The following SEMA6B variants were observed in gnomAD, a reference collection of about 807,000 sequenced individuals.
SEMA6B encodes the protein semaphorin-6B.
In SEMA6B, 47 loss-of-function variants were observed where a neutral mutation model predicts 78.6. That is an observed-to-expected ratio of 0.60 (90% confidence interval 0.47 to 0.76). The LOEUF is 0.76. SEMA6B is among the 30% of genes least tolerant of loss of function. The pLI, the probability that SEMA6B is intolerant of heterozygous loss-of-function variation, is 0.00. For synonymous variants in SEMA6B, 632 were observed against 592.2 expected, an observed-to-expected ratio of 1.07 and a Z score of -0.98; for missense variants, 1,213 against 1,269.9, an observed-to-expected ratio of 0.96 and a Z score of 0.68.
Position 4,543,203 on chromosome 19 carries a change from G to A in SEMA6B, c.*398C>T. The A allele has an allele frequency of 7.0e-6, 4 of 568,096 alleles. No homozygotes were observed. In the South Asian group the frequency reaches 9.0e-5, roughly 13 times the overall value. The allele number at this position is 568,096 out of a possible 1,614,324, so 35.2% of individuals were successfully genotyped here. ...CTTTCCAGGGGTGGGGGAGGGCTTA[G>A]GTCTGCAGCTGTGGCCCCCCATTCC... On this transcript the variant is annotated 3_prime_UTR_variant, in exon 17 of 17. Coordinates refer to ENST00000586582, the MANE Select transcript of SEMA6B (RefSeq NM_032108.4).
chr19:4,544,283 G>A lies in SEMA6B; in HGVS notation c.1985C>T (p.Pro662Leu). ...SRLGERRAQG[P>L]GGRGGGGGGG... is the part of the protein sequence containing the mutation. Reference sequence around the variant, plus strand: ...GCCACCGCCTCCGCCCCGGCCCCCGGGACCCTGCGCCCTGCGCTCGCCCAG... The same window carrying A: ...GCCACCGCCTCCGCCCCGGCCCCCGAGACCCTGCGCCCTGCGCTCGCCCAG... The change falls in exon 17 of 17, where the codon CCC (proline) becomes CTC (leucine). Residue 662 changes from proline (P) to leucine (L), a missense_variant. Physicochemically the swap from Pro to Leu is moderately conservative, Grantham distance 98 (BLOSUM62 -3). Coordinates refer to ENST00000586582, the MANE Select transcript of SEMA6B (RefSeq NM_032108.4). This position sits in a 1 kb window ranked among gnomAD's most constrained non-coding sequence, Gnocchi z 5.1. 7.2e-7 allele frequency: 1 copy of A among 1,396,006 alleles called. No homozygotes were observed. The highest frequency in any genetic ancestry group is 9.2e-7 in the Non-Finnish European group (1 of 1,081,248). The allele number at this position is 1,396,006 out of a possible 1,614,324, so 86.5% of individuals were successfully genotyped here.
In SEMA6B at chr19:4,549,989, GTC is replaced by G. The variant is rs754876814; in HGVS notation, c.1271+132_1271+133del. ...AGTGTCTCTCCATCTTTCCCTCTCTGTCTCTCTGTGTCTCCAGCTCTCTGGGC... is the reference window on the plus strand; with the variant it reads ...AGTGTCTCTCCATCTTTCCCTCTCTGTCTCTGTGTCTCCAGCTCTCTGGGC... On this transcript the variant is annotated intron_variant, in intron 12 of 16. Coordinates refer to ENST00000586582, the MANE Select transcript of SEMA6B (RefSeq NM_032108.4). 156 of 775,064 alleles carry G rather than the reference GTC, an allele frequency of 2.0e-4. 1 individual carries two copies. Among genetic ancestry groups the G allele is most frequent in the Non-Finnish European group, 2.0e-4 (95 of 486,404 alleles). 48.0% of individuals were successfully genotyped at this position (775,064 alleles called of 1,614,324 possible).
chr19:4,544,012 C>T lies in SEMA6B; in HGVS notation c.2256G>A (p.Leu752=), dbSNP rs1429985713. The change falls in exon 17 of 17, where the codon CTG becomes CTA. Residue 752 remains leucine (L), a synonymous_variant. Transcript: ENST00000586582. The surrounding 1 kb of genome is among the most constrained non-coding windows in gnomAD (Gnocchi z 5.1). ...LPASASSSLL[L]LAPARAPEQP... ...GCTCGGGGGCCCGGGCGGGCGCCAGCAGCAGGAGGGAGGATGAAGCGGAGG... is the reference window on the plus strand; with the variant it reads ...GCTCGGGGGCCCGGGCGGGCGCCAGTAGCAGGAGGGAGGATGAAGCGGAGG... The T allele has an allele frequency of 4.1e-6, 5 of 1,211,946 alleles. No individual in the cohort carries two copies. Among genetic ancestry groups the T allele is most frequent in the Non-Finnish European group, 5.1e-6 (5 of 975,818 alleles). The allele number at this position is 1,211,946 out of a possible 1,614,324, so 75.1% of individuals were successfully genotyped here.
Position 4,558,260 on chromosome 19 carries a change from G to A in SEMA6B, c.121+77C>T. ...TCCTGGACTGCTTGAGTCCCCCAGT[G>A]GGGGCAGCAGACCCAACTGGGAACC... On this transcript the variant is annotated intron_variant, in intron 2 of 16. Coordinates refer to ENST00000586582, the MANE Select transcript of SEMA6B (RefSeq NM_032108.4). The surrounding 1 kb of genome is among the most constrained non-coding windows in gnomAD (Gnocchi z 5.1). 5.4e-6 allele frequency: 7 copies of A among 1,300,160 alleles called. No homozygotes were observed. Among genetic ancestry groups the A allele is most frequent in the Non-Finnish European group, 6.9e-6 (7 of 1,013,164 alleles). 80.5% of individuals were successfully genotyped at this position (1,300,160 alleles called of 1,614,324 possible). A position where few individuals can be genotyped will look rare whatever the true frequency, so the allele number is the denominator to read the frequency against.
chr19:4,549,394 C>T lies in SEMA6B; in HGVS notation c.1271+729G>A, dbSNP rs558695704. On this transcript the variant is annotated intron_variant, in intron 12 of 16. Transcript: ENST00000586582. ...TCGGCTCACTGCAACCTCCGCCTCC[C>T]GGGTTCAAGTGATTCTCCTGCCTCA... 6.2e-4 allele frequency among the ~76,000 whole-genome samples: 93 copies of T among 149,024 alleles called. 2 individuals carry two copies. The South Asian group carries it at 0.017, about 28-fold the overall frequency.
At position 4,558,355 on chromosome 19, in the gene SEMA6B, T is replaced by C; in HGVS notation, c.103A>G (p.Ser35Gly). ...GLFPEEPPPL[S>G]VAPRDYLNHY... ...GACTCACAGTCCCTGGGGGCCACGC[T>C]AAGCGGCGGCGGCTCCTCAGGAAAG... Residue 35 changes from serine (S) to glycine (G), a missense_variant, in exon 2 of 17, where the codon AGC (serine) becomes GGC (glycine). Coordinates refer to ENST00000586582, the MANE Select transcript of SEMA6B (RefSeq NM_032108.4). This position sits in a 1 kb window ranked among gnomAD's most constrained non-coding sequence, Gnocchi z 5.1. 7.7e-7 allele frequency: 1 copy of C among 1,303,444 alleles called. No homozygotes were observed. The highest frequency in any genetic ancestry group is 9.8e-7 in the Non-Finnish European group (1 of 1,017,010). 80.7% of individuals were successfully genotyped at this position (1,303,444 alleles called of 1,614,324 possible). A position where few individuals can be genotyped will look rare whatever the true frequency, so the allele number is the denominator to read the frequency against.
At position 4,542,670 on chromosome 19, in the gene SEMA6B, C is replaced by A; in HGVS notation, c.*931G>T. On this transcript the variant is annotated 3_prime_UTR_variant, in exon 17 of 17. Transcript: ENST00000586582. ...CAGAGAGGGCAGAGGACCCAGCCAG[C>A]CACGTGGCATGCATGGTCAGCTGGA... 1 of 627,706 alleles carries A rather than the reference C, an allele frequency of 1.6e-6. No homozygotes were observed. The allele number at this position is 627,706 out of a possible 1,614,324, so 38.9% of individuals were successfully genotyped here. A position where few individuals can be genotyped will look rare whatever the true frequency, so the allele number is the denominator to read the frequency against.
In SEMA6B at chr19:4,548,630, C is replaced by T. The variant is rs573239437; in HGVS notation, c.1272-185G>A. Among the ~76,000 whole-genome samples the T allele has an allele frequency of 5.9e-4, 90 of 152,380 alleles. 2 individuals carry two copies. In the South Asian group the frequency reaches 0.015, roughly 26 times the overall value. On this transcript the variant is annotated intron_variant, in intron 12 of 16. Coordinates refer to ENST00000586582, the MANE Select transcript of SEMA6B (RefSeq NM_032108.4). The stretch of plus-strand genomic sequence containing the variant: ...CTACACAGGCACGTGGGCACACTCG[C>T]CCTTTTTTGAAACATAACCCCAAAC...
Position 4,550,488 on chromosome 19 carries a change from C to A in SEMA6B, c.1122-216G>T, listed in dbSNP as rs931287160. Among the ~76,000 whole-genome samples the A allele has an allele frequency of 6.6e-6, 1 of 152,118 alleles. No homozygotes were observed. The highest frequency in any genetic ancestry group is 1.5e-5 in the Non-Finnish European group (1 of 68,002). ...AAGCGATTCTCCTGCTTCAGCCACC[C>A]GAGTGGCTGGGATTACAGGCACGTG... On this transcript the variant is annotated intron_variant, in intron 11 of 16. Transcript: ENST00000586582. The surrounding 1 kb of genome is among the most constrained non-coding windows in gnomAD (Gnocchi z 6.6).
Position 4,550,242 on chromosome 19 carries a change from C to A in SEMA6B, c.1152G>T (p.Gln384His), listed in dbSNP as rs1977288102. 6.2e-7 allele frequency: 1 copy of A among 1,613,584 alleles called. No homozygotes were observed. Among genetic ancestry groups the A allele is most frequent in the Non-Finnish European group, 8.5e-7 (1 of 1,179,952 alleles). Residue 384 changes from glutamine (Q) to histidine (H), a missense_variant, in exon 12 of 17, where the codon CAG becomes CAT. Coordinates refer to ENST00000586582, the MANE Select transcript of SEMA6B (RefSeq NM_032108.4). This position sits in a 1 kb window ranked among gnomAD's most constrained non-coding sequence, Gnocchi z 6.6. ...CCGGCAAGGCGCTGGAGGCATTGTA[C>A]TGCATCCCGGGGGCTGCGCAGCACC... ...RPGCCAAPGM[Q>H]YNASSALPDD...
rs765671940 is a variant in SEMA6B at position 4,555,978 on chromosome 19, G to A, written c.471+10C>T. 6.2e-7 allele frequency: 1 copy of A among 1,604,776 alleles called. No homozygotes were observed. On this transcript the variant is annotated intron_variant, in intron 6 of 16. Transcript: ENST00000586582. The surrounding 1 kb of genome is among the most constrained non-coding windows in gnomAD (Gnocchi z 6.1). ...GTTGGACCTGGGGCGCAGGGAGTCT[G>A]AAGACTCACGCTGTAGTTGGCGCAC...
chr19:4,555,517 G>A lies in SEMA6B; in HGVS notation c.519C>T (p.Arg173=). The part of the protein sequence containing the change: ...PVGDNISGMA[R]CPYDPKHANV... Reference sequence around the variant, plus strand: ...TGGCGTGCTTGGGGTCGTACGGGCAGCGGGCCATACCGCTGATGTTGTCTC... The same window carrying A: ...TGGCGTGCTTGGGGTCGTACGGGCAACGGGCCATACCGCTGATGTTGTCTC... Residue 173 remains arginine (R), a synonymous_variant, in exon 7 of 17, where the codon CGC becomes CGT. Transcript: ENST00000586582. This position sits in a 1 kb window ranked among gnomAD's most constrained non-coding sequence, Gnocchi z 6.1. 6.2e-7 allele frequency: 1 copy of A among 1,613,644 alleles called. No individual in the cohort carries two copies.
Position 4,550,943 on chromosome 19 carries a change from G to A in SEMA6B, c.990-13C>T. The stretch of plus-strand genomic sequence containing the variant: ...CGAGCCAGGGATGCTGAGGGGTTGG[G>A]ATGAAAGAGTTTGGTGAGCCCGGTG... On this transcript the variant is annotated splice_polypyrimidine_tract_variant and intron_variant, in intron 10 of 16. Coordinates refer to ENST00000586582, the MANE Select transcript of SEMA6B (RefSeq NM_032108.4). The surrounding 1 kb of genome is among the most constrained non-coding windows in gnomAD (Gnocchi z 6.6). 6.2e-7 allele frequency: 1 copy of A among 1,613,344 alleles called. No homozygotes were observed. Among genetic ancestry groups the A allele is most frequent in the Non-Finnish European group, 8.5e-7 (1 of 1,179,838 alleles).
chr19:4,551,058 G>T, intron 10 of SEMA6B, 128 bp from the exon 11 acceptor site: 1 of 1,036,802 alleles, frequency 9.6e-7, no homozygotes, highest in South Asian at 1.5e-5. Flanking sequence ...GATGTCCCCT[G>T]TCCCTCCCGC....
At chr19:4,551,631 T>C (rs1340848953) in intron 10 of SEMA6B, among the ~76,000 whole-genome samples, 1 of 150,712 alleles carries the variant, frequency 6.6e-6, no homozygotes, top group Non-Finnish European at 1.5e-5. Context: ...GGAGTTTGAG[T>C]CCAGCCTGAC....
intron 9 of SEMA6B, among the ~76,000 whole-genome samples, chr19:4,553,203 T>C (rs911735543): frequency 3.3e-5 from 5 of 152,170 alleles, no homozygotes; most frequent in Non-Finnish European, 5.9e-5. Context: ...GGTAGATAAG[T>C]AGATGGATGT....
chr19:4,554,784 G>A (rs569488732), intron 8 of SEMA6B, among the ~76,000 whole-genome samples, 192 bp downstream of exon 8: 306 of 152,244 alleles, frequency 2.0e-3, no homozygotes, highest in African/African-American at 7.1e-3. Flanking sequence ...CACTTCCAGC[G>A]GGTTCTACTT....
chr19:4,555,006 T>C lies in SEMA6B; in HGVS notation c.652A>G (p.Thr218Ala). Residue 218 changes from threonine (T) to alanine (A), a missense_variant, in exon 8 of 17, where the codon ACC becomes GCC. Thr to Ala is a moderately conservative substitution (Grantham distance 58). Coordinates refer to ENST00000586582, the MANE Select transcript of SEMA6B (RefSeq NM_032108.4). The surrounding 1 kb of genome is among the most constrained non-coding windows in gnomAD (Gnocchi z 6.1). ...RSLGDRPTLRTVKHDSKWFKE... is the reference protein window; with the variant it reads ...RSLGDRPTLRAVKHDSKWFKE... ...AACCACTTGGAGTCATGTTTCACGG[T>C]GCGCAGGGTGGGCCTGTCCCCGAGG... The C allele has an allele frequency of 6.2e-6, 10 of 1,614,032 alleles. No individual in the cohort carries two copies. Among genetic ancestry groups the C allele is most frequent in the Non-Finnish European group, 8.5e-6 (10 of 1,179,970 alleles).
In SEMA6B at chr19:4,542,947, G is replaced by A; in HGVS notation, c.*654C>T. 1 of 700,670 alleles carries A rather than the reference G, an allele frequency of 1.4e-6. No individual in the cohort carries two copies. The highest frequency in any genetic ancestry group is 2.6e-6 in the Non-Finnish European group (1 of 384,762). 43.4% of individuals were successfully genotyped at this position (700,670 alleles called of 1,614,324 possible). ...CTAACCGGCACCTCGGAGACCCCCG[G>A]GCCTTCTGGAAGCCCCAGCGTCGGC... is the stretch of plus-strand genomic sequence containing the variant. On this transcript the variant is annotated 3_prime_UTR_variant, in exon 17 of 17. Transcript: ENST00000586582.
Sources: gnomAD v4.1 joint callset for allele counts (sites outside exome capture counted in the v4.1 genomes callset) on GRCh38, gnomAD v4.1.1 for gene constraint, Gnocchi (gnomAD v3.1) non-coding constraint, MANE v1.5 for transcripts, NCBI Gene and HGNC (gene_info 2026-07-23, HGNC 2026-07-21) for gene names.